Variants in NBPF15 observed in about 807,000 individuals in gnomAD.
NBPF15 encodes the protein NBPF family member NBPF15.
NBPF15 carries 74 observed loss-of-function variants against 62.2 expected under a neutral mutation model. The ratio of observed to expected loss-of-function variants is 1.19; its 90% CI spans 0.99 to 1.44. The LOEUF (loss-of-function observed/expected upper bound fraction) is 1.44, where lower values mean the gene tolerates loss of function less well. Among genes scored for constraint, NBPF15 ranks in the 40% most tolerant of loss-of-function variants. The probability of loss-of-function intolerance (pLI) is 0.00; values close to 1 mark genes in which losing one functional copy is unlikely to be tolerated. For synonymous variants in NBPF15, 244 were observed against 209.7 expected (o/e 1.16, Z -1.41); for missense variants, 790 against 550.0 (o/e 1.44, Z -4.36).
chr1:144,422,857 G>C lies in NBPF15; in HGVS notation c.*156C>G, dbSNP rs1259019719. 1 of 1,561,814 alleles carries C rather than the reference G, an allele frequency of 6.4e-7. No homozygotes were observed. The highest frequency in any genetic ancestry group is 1.8e-5 in the Admixed American group (1 of 55,934). On this transcript the variant is annotated 3_prime_UTR_variant, in exon 22 of 22. Coordinates refer to ENST00000581897, the MANE Select transcript of NBPF15 (RefSeq NM_001385408.1). ...TCCATTGTCTTCAGATTGAGCACAG[G>C]TTGCCAATGGCATGGTTTGAGAATA...
chr1:144,439,323 G>A (rs1378756688), intron 8 of NBPF15, among the ~76,000 whole-genome samples: 1 of 151,918 alleles, frequency 6.6e-6, no homozygotes, highest in Non-Finnish European at 1.5e-5. Context: ...AGACAGCACA[G>A]GTTCTATTAG....
chr1:144,432,376 G>C (rs1571121334), intron 13 of NBPF15, among the ~76,000 whole-genome samples: 1 of 151,940 alleles, frequency 6.6e-6, no homozygotes, highest in African/African-American at 2.4e-5. Flanking sequence ...AAAGACCATT[G>C]ACGCTAGGAA....
At chr1:144,438,996 A>AT (rs1166114334) in intron 8 of NBPF15, among the ~76,000 whole-genome samples, 48 of 147,912 alleles carry the variant, frequency 3.2e-4, no homozygotes, top group Middle Eastern at 3.4e-3. Flanking sequence ...TATTATTATT[A>AT]TTTTTTTTTA....
At position 144,440,187 on chromosome 1, in the gene NBPF15, A is replaced by G; in HGVS notation, c.-82T>C. ...TCCCCACAGCACTTTAGGATCCTTCACCACAAAAACAAGGTTCGAGGTGCC... is the reference window on the plus strand; with the variant it reads ...TCCCCACAGCACTTTAGGATCCTTCGCCACAAAAACAAGGTTCGAGGTGCC... On this transcript the variant is annotated 5_prime_UTR_variant, in exon 7 of 22. Transcript: ENST00000581897. 6.5e-7 allele frequency: 1 copy of G among 1,544,926 alleles called. No individual in the cohort carries two copies. Among genetic ancestry groups the G allele is most frequent in the Non-Finnish European group, 8.8e-7 (1 of 1,141,946 alleles).
At chr1:144,457,793 TA>T (rs1365590021) in intron 3 of NBPF15, among the ~76,000 whole-genome samples, 2 of 151,970 alleles carry the variant, frequency 1.3e-5, no homozygotes, top group Non-Finnish European at 2.9e-5. Context: ...ACATAAAAAT[TA>T]TTAAAACTAA....
intron 17 of NBPF15, 131 bp from the exon 18 acceptor site, chr1:144,426,581 A>T: frequency 1.4e-6 from 1 of 712,372 alleles, no homozygotes; most frequent in Admixed American, 2.0e-5. Flanking sequence ...GAGGTAATGA[A>T]TTATTGCCTT....
chr1:144,437,900 A>T (rs1679766299), intron 9 of NBPF15, 45 bp downstream of exon 9: 1 of 1,611,008 alleles, frequency 6.2e-7, no homozygotes, highest in East Asian at 2.2e-5. Flanking sequence ...TACTTCAGAG[A>T]TTTACACACC....
chr1:144,455,958 A>G (rs1266915309), intron 4 of NBPF15, among the ~76,000 whole-genome samples: 1 of 152,000 alleles, frequency 6.6e-6, no homozygotes, highest in Non-Finnish European at 1.5e-5. Context: ...TCTAAGTCCT[A>G]CAGGATTCTG....
chr1:144,426,928 C>A, intron 17 of NBPF15, 119 bp downstream of exon 17: 2 of 602,194 alleles, frequency 3.3e-6, no homozygotes, highest in Non-Finnish European at 5.8e-6. Flanking sequence ...ACAGCAATGT[C>A]AGGAGGAGTA....
intron 21 of NBPF15, among the ~76,000 whole-genome samples, chr1:144,423,504 G>A (rs1553538689): frequency 1.3e-5 from 2 of 152,002 alleles, no homozygotes; most frequent in South Asian, 4.2e-4. Flanking sequence ...CTAGTGAATT[G>A]CCCAGGTGAC....
At chr1:144,424,318 T>C (rs1389887149) in intron 20 of NBPF15, among the ~76,000 whole-genome samples, 4 of 151,538 alleles carry the variant, frequency 2.6e-5, no homozygotes, top group African/African-American at 9.7e-5. Flanking sequence ...CCCTGTCTCA[T>C]CAAATACTCA....
chr1:144,423,510 G>C (rs1571101432), intron 21 of NBPF15, among the ~76,000 whole-genome samples: 1 of 151,964 alleles, frequency 6.6e-6, no homozygotes, highest in South Asian at 2.1e-4. Context: ...AATTGCCCAG[G>C]TGACATACTG....
intron 4 of NBPF15, among the ~76,000 whole-genome samples, chr1:144,454,920 C>G (rs1693422259): frequency 6.6e-6 from 1 of 150,476 alleles, no homozygotes; most frequent in African/African-American, 2.5e-5. Flanking sequence ...AGCTCCCTGC[C>G]TACAAGACAG....
chr1:144,444,073 G>A (rs1443550768), intron 6 of NBPF15, among the ~76,000 whole-genome samples: 1 of 151,806 alleles, frequency 6.6e-6, no homozygotes, highest in South Asian at 2.1e-4. Flanking sequence ...TAAATACTGA[G>A]TAGTATTCCT....
At chr1:144,461,197 C>A (rs759153906) in intron 1 of NBPF15, among the ~76,000 whole-genome samples, 184 bp downstream of exon 1, 114 of 152,166 alleles carry the variant, frequency 7.5e-4, no homozygotes, top group Non-Finnish European at 1.2e-3. Flanking sequence ...TCTTCCCCAG[C>A]GCCCAAGGAG....
Position 144,422,935 on chromosome 1 carries a change from C to G in NBPF15, c.*78G>C. On this transcript the variant is annotated 3_prime_UTR_variant, in exon 22 of 22. Coordinates refer to ENST00000581897, the MANE Select transcript of NBPF15 (RefSeq NM_001385408.1). ...CCTATGTCTGGGCTTCCAAATGGAACTGTACTTTCATTCAAATCTTCTCGT... is the reference window on the plus strand; with the variant it reads ...CCTATGTCTGGGCTTCCAAATGGAAGTGTACTTTCATTCAAATCTTCTCGT... 6.2e-7 allele frequency: 1 copy of G among 1,611,372 alleles called. No individual in the cohort carries two copies. The highest frequency in any genetic ancestry group is 8.5e-7 in the Non-Finnish European group (1 of 1,179,492).
chr1:144,428,112 A>C (rs1671186398), intron 15 of NBPF15, 122 bp from the exon 16 acceptor site: 1 of 683,048 alleles, frequency 1.5e-6, no homozygotes, highest in Non-Finnish European at 2.7e-6. Context: ...TCCATTAATG[A>C]GGTAACAAAT....
intron 4 of NBPF15, among the ~76,000 whole-genome samples, chr1:144,453,505 G>C (rs1179458512): frequency 6.6e-5 from 10 of 151,476 alleles, no homozygotes; most frequent in Non-Finnish European, 1.5e-4. Flanking sequence ...AAAAACTTCT[G>C]TTCTGTGAAA....
intron 6 of NBPF15, among the ~76,000 whole-genome samples, chr1:144,444,962 C>T (rs1157433500): frequency 6.6e-6 from 1 of 151,708 alleles, no homozygotes; most frequent in Non-Finnish European, 1.5e-5. Flanking sequence ...TTCAAAGGAG[C>T]CATACCATTT....
Sources: gnomAD v4.1 joint callset for allele counts (sites outside exome capture counted in the v4.1 genomes callset) on GRCh38, gnomAD v4.1.1 for gene constraint, MANE v1.5 for transcripts, NCBI Gene and HGNC (gene_info 2026-07-23, HGNC 2026-07-21) for gene names.